ADGRD1: variants seen among roughly 807,000 people sequenced by gnomAD.
ADGRD1 encodes the protein G-protein coupled receptor 133.
In ADGRD1, 77 loss-of-function variants were observed where a neutral mutation model predicts 113.4. The ratio of observed to expected loss-of-function variants is 0.68; its 90% confidence interval spans 0.57 to 0.82. The LOEUF is 0.82. Among genes scored for constraint, ADGRD1 ranks in the 40% least tolerant of loss-of-function variants. ADGRD1 has a pLI of 0.00. For missense variants in ADGRD1, 1,036 were observed against 1,139.1 expected (o/e 0.91, Z 1.30); for synonymous variants, 474 against 475.0 (o/e 1.00, Z 0.03).
chr12:131,131,677 A>C (rs1950931934), intron 20 of ADGRD1, 48 bp from the exon 21 acceptor site: 1 of 1,322,798 alleles, frequency 7.6e-7, no homozygotes. Context: ...GCTCTCCTGC[A>C]GGTGCAGCCC....
chr12:131,108,720 C>T lies in ADGRD1; in HGVS notation c.1888-4C>T. 1 of 1,614,142 alleles carries T rather than the reference C, an allele frequency of 6.2e-7. No individual in the cohort carries two copies. Among genetic ancestry groups the T allele is most frequent in the Non-Finnish European group, 8.5e-7 (1 of 1,179,998 alleles). On this transcript the variant is annotated splice_region_variant and splice_polypyrimidine_tract_variant and intron_variant, in intron 17 of 24. Transcript: ENST00000261654. The stretch of plus-strand genomic sequence containing the variant: ...CTCACTTCCCATCTCTGGTTAAATC[C>T]TAGACCCCCTGCCAAGTGATGGCCG...
chr12:131,074,304 G>C (rs1399203477), intron 13 of ADGRD1, among the ~76,000 whole-genome samples: 1 of 152,196 alleles, frequency 6.6e-6, no homozygotes, highest in African/African-American at 2.4e-5. Flanking sequence ...TGGGAAATTA[G>C]GTTACTTGCC....
intron 20 of ADGRD1, among the ~76,000 whole-genome samples, chr12:131,125,901 C>T (rs534935018): frequency 8.0e-4 from 122 of 152,266 alleles, no homozygotes; most frequent in Non-Finnish European, 1.1e-3. Flanking sequence ...GAGTTGAATA[C>T]TGGAAGTGAA....
intron 21 of ADGRD1, among the ~76,000 whole-genome samples, chr12:131,132,238 T>C (rs551062946): frequency 1.3e-5 from 2 of 152,190 alleles, no homozygotes; most frequent in African/African-American, 4.8e-5. Context: ...TGATAACAGG[T>C]TCCCCCTCAG....
At chr12:131,036,642 C>CG (rs1881450929) in intron 13 of ADGRD1, among the ~76,000 whole-genome samples, 1 of 138,176 alleles carries the variant, frequency 7.2e-6, no homozygotes, top group Non-Finnish European at 1.5e-5. Flanking sequence ...ACTCACTGCA[C>CG]GGGGCCTCAC....
intron 13 of ADGRD1, among the ~76,000 whole-genome samples, chr12:131,052,404 C>T (rs1883487233): frequency 6.6e-6 from 1 of 152,190 alleles, no homozygotes; most frequent in African/African-American, 2.4e-5. Context: ...CGAACTCAGT[C>T]CCCAAAGCGA....
Position 130,992,350 on chromosome 12 carries a change from C to CAGTAAGT in ADGRD1, c.925_931dup (p.Ser311Ter). ...TCCAAAATGTATCCCTCAGCTTACC[C>CAGTAAGT]AGTAAGTCCCTCTCGGAGCAGACAG... On this transcript the variant is annotated frameshift_variant, in exon 8 of 25. Coordinates refer to ENST00000261654, the MANE Select transcript of ADGRD1 (RefSeq NM_198827.5). LOFTEE classifies it high-confidence loss of function. 6.2e-7 allele frequency: 1 copy of CAGTAAGT among 1,613,696 alleles called. No individual in the cohort carries two copies. Among genetic ancestry groups the CAGTAAGT allele is most frequent in the African/African-American group, 1.3e-5 (1 of 75,014 alleles).
At chr12:130,995,931 G>A (rs533540131) in intron 8 of ADGRD1, among the ~76,000 whole-genome samples, 4 of 151,984 alleles carry the variant, frequency 2.6e-5, no homozygotes, top group Non-Finnish European at 4.4e-5. Context: ...GCGGCCTTCC[G>A]CAGTGTTTGT....
At chr12:131,137,961 T>C (rs884943) in intron 23 of ADGRD1, 176 bp from the exon 24 acceptor site, 333,319 of 612,810 alleles carry the variant, frequency 0.54, 94,871 homozygotes, top group East Asian at 0.87. Context: ...AACCTGGCTC[T>C]GCCCCACAGA....
intron 4 of ADGRD1, chr12:130,978,107 C>A (rs1027708123): frequency 1.3e-5 from 2 of 152,124 alleles, no homozygotes; most frequent in Admixed American, 1.3e-4. Flanking sequence ...GAGGATTTAA[C>A]CTCAGCCCAT....
chr12:131,063,939 T>C (rs1199124068), intron 13 of ADGRD1, among the ~76,000 whole-genome samples: 1 of 152,230 alleles, frequency 6.6e-6, no homozygotes, highest in Non-Finnish European at 1.5e-5. Flanking sequence ...TCTCCATTTA[T>C]TTAAAATCTT....
intron 20 of ADGRD1, among the ~76,000 whole-genome samples, chr12:131,123,930 C>G (rs1426644114): frequency 2.6e-5 from 4 of 152,194 alleles, no homozygotes; most frequent in Non-Finnish European, 5.9e-5. Flanking sequence ...GGCACACAGC[C>G]ACGTCCATTG....
intron 20 of ADGRD1, among the ~76,000 whole-genome samples, chr12:131,121,747 T>G (rs1408174986): frequency 6.6e-6 from 1 of 152,114 alleles, no homozygotes; most frequent in Non-Finnish European, 1.5e-5. Context: ...GTGGGGAGGC[T>G]GGGCCCAGGG....
rs763929209 is a variant in ADGRD1 at position 131,084,489 on chromosome 12, C to T, written c.1548-51C>T. ...GGGGGTGCTGCTCTCAGTCCCCTGC[C>T]TGCCAAGGGTGCGGTGCTACCTCCT... On this transcript the variant is annotated intron_variant, in intron 14 of 24. Coordinates refer to ENST00000261654, the MANE Select transcript of ADGRD1 (RefSeq NM_198827.5). The surrounding 1 kb of genome is among the most constrained non-coding windows in gnomAD (Gnocchi z 4.5). The T allele has an allele frequency of 1.6e-5, 26 of 1,610,416 alleles. No individual in the cohort carries two copies. In the East Asian group the frequency reaches 5.6e-4, roughly 35 times the overall value.
At chr12:131,045,269 T>G (rs1285940866) in intron 13 of ADGRD1, among the ~76,000 whole-genome samples, 1 of 152,202 alleles carries the variant, frequency 6.6e-6, no homozygotes, top group Admixed American at 6.5e-5. Context: ...GGCTGAGCCC[T>G]CCGTCCAGCA....
chr12:131,125,293 C>T (rs1045796240), intron 20 of ADGRD1, among the ~76,000 whole-genome samples: 85 of 152,160 alleles, frequency 5.6e-4, no homozygotes, highest in African/African-American at 1.9e-3. Flanking sequence ...CTAGACACCC[C>T]GTTCCCCCAA....
chr12:130,987,349 G>T lies in ADGRD1; in HGVS notation c.745G>T (p.Gly249Ter). 6.2e-7 allele frequency: 1 copy of T among 1,613,998 alleles called. No homozygotes were observed. ...CGCCATGTACTTCACTGCTGCCATT[G>T]GTCAGTGAGTGTGAAGGGCTGGGGC... ...EIAMYFTAAI[G>*]KHALLSSTLP... The change falls in exon 6 of 25, where the codon GGA becomes TGA. Residue 249 changes from glycine (G) to a stop codon, truncating the protein, a stop_gained and splice_region_variant. Coordinates refer to ENST00000261654, the MANE Select transcript of ADGRD1 (RefSeq NM_198827.5). LOFTEE classifies it high-confidence loss of function.
Position 130,954,296 on chromosome 12 carries a change from C to T in ADGRD1, c.-170C>T, listed in dbSNP as rs1593244625. Reference sequence around the variant, plus strand: ...AGTTTTGAGACGAGGAAGAAACACCCATTAGGTCTCCAAGACAGCTGTGTT... The same window carrying T: ...AGTTTTGAGACGAGGAAGAAACACCTATTAGGTCTCCAAGACAGCTGTGTT... On this transcript the variant is annotated 5_prime_UTR_variant, in exon 1 of 25. Transcript: ENST00000261654. This position sits in a 1 kb window ranked among gnomAD's most constrained non-coding sequence, Gnocchi z 4.7. 2.5e-5 allele frequency: 14 copies of T among 554,168 alleles called. No individual in the cohort carries two copies. The South Asian group carries it at 3.0e-4, about 12-fold the overall frequency. 34.3% of individuals were successfully genotyped at this position (554,168 alleles called of 1,614,324 possible).
chr12:131,138,789 G>T (rs1244399692), intron 24 of ADGRD1, among the ~76,000 whole-genome samples: 2 of 152,244 alleles, frequency 1.3e-5, no homozygotes, highest in African/African-American at 2.4e-5. Context: ...GGCTGCTCTA[G>T]CCCCACGGCT....
Sources: gnomAD v4.1 joint callset for allele counts (sites outside exome capture counted in the v4.1 genomes callset) on GRCh38, gnomAD v4.1.1 for gene constraint, Gnocchi (gnomAD v3.1) non-coding constraint, MANE v1.5 for transcripts, NCBI Gene and HGNC (gene_info 2026-07-23, HGNC 2026-07-21) for gene names.